The following PRSS3 variants were observed in gnomAD, a reference collection of about 807,000 sequenced individuals.
PRSS3 encodes the protein serine protease 3.
PRSS3 carries 14 observed loss-of-function variants against 20.8 expected under a neutral mutation model. The observed-to-expected ratio is 0.67, with a 90% CI of 0.44 to 1.05. The LOEUF (loss-of-function observed/expected upper bound fraction) is 1.05. Ranked by LOEUF, PRSS3 falls within the 50% of genes least tolerant of loss-of-function variation. The pLI is 0.00. For synonymous variants in PRSS3, 91 were observed against 117.6 expected (o/e 0.77, Z 1.46); for missense variants, 237 against 306.4 (o/e 0.77, Z 1.69).
intron 1 of PRSS3, among the ~76,000 whole-genome samples, chr9:33,785,412 C>A (rs2790733): frequency 1.3e-5 from 2 of 151,462 alleles, no homozygotes; most frequent in Non-Finnish European, 2.9e-5. Flanking sequence ...CTCCTGACCT[C>A]GTGATCCGCC....
Position 33,798,819 on chromosome 9 carries a change from A to C in PRSS3, c.591+197A>C, listed in dbSNP as rs920438210. 5 of 1,079,802 alleles carry C rather than the reference A, an allele frequency of 4.6e-6. No individual in the cohort carries two copies. In the African/African-American group the frequency reaches 6.4e-5, roughly 14 times the overall value. 66.9% of individuals were successfully genotyped at this position (1,079,802 alleles called of 1,614,324 possible). On this transcript the variant is annotated intron_variant, in intron 4 of 4. Coordinates refer to ENST00000379405, the MANE Select transcript of PRSS3 (RefSeq NM_002771.4). ...AACGAGGAAGGTGGCGGGGCTGAGG[A>C]GGCTCCCTGCAGTGCCCCCATTGGG...
intron 1 of PRSS3, among the ~76,000 whole-genome samples, chr9:33,780,256 G>A (rs544241277): frequency 2.7e-3 from 409 of 152,246 alleles, no homozygotes; most frequent in Non-Finnish European, 4.9e-3. Context: ...GAGATTGGGA[G>A]ACTATTTTCA....
At chr9:33,786,382 C>T in intron 1 of PRSS3, 2 of 643,658 alleles carry the variant, frequency 3.1e-6, no homozygotes, top group Non-Finnish European at 5.5e-6. Flanking sequence ...ATTAAAGGAC[C>T]ATAACAGAGT....
intron 1 of PRSS3, among the ~76,000 whole-genome samples, chr9:33,757,474 CTT>C (rs35876237): frequency 2.0e-3 from 285 of 145,316 alleles, no homozygotes; most frequent in Middle Eastern, 7.0e-3. Flanking sequence ...GCAGATTCAT[CTT>C]TTTTTTTTTT....
chr9:33,792,269 T>C (rs1051859225), upstream of PRSS3, among the ~76,000 whole-genome samples: 1 of 152,014 alleles, frequency 6.6e-6, no homozygotes, highest in Non-Finnish European at 1.5e-5. Context: ...TAAAGGATGC[T>C]GGAACCCAAG....
intron 1 of PRSS3, among the ~76,000 whole-genome samples, chr9:33,751,410 G>A (rs1242870897): frequency 1.3e-5 from 2 of 152,164 alleles, no homozygotes; most frequent in African/African-American, 2.4e-5. Context: ...AGAAATTTGC[G>A]GGGGTGGCCC....
intron 1 of PRSS3, among the ~76,000 whole-genome samples, chr9:33,765,690 T>A (rs563353693): frequency 6.6e-6 from 1 of 152,340 alleles, no homozygotes; most frequent in Admixed American, 6.5e-5. Context: ...CTTATGCTAC[T>A]CAGAATGGTG....
At position 33,798,467 on chromosome 9, in the gene PRSS3, C is replaced by G. The variant is rs188952871; in HGVS notation, c.455-19C>G. The G allele has an allele frequency of 6.2e-7, 1 of 1,613,940 alleles. No homozygotes were observed. The highest frequency in any genetic ancestry group is 1.3e-5 in the African/African-American group (1 of 75,046). ...CACCCACATTTCTACTTTCTTTGAT[C>G]TCTTCCTGATCCTCACAGCTGACTA... On this transcript the variant is annotated intron_variant, in intron 3 of 4. Coordinates refer to ENST00000379405, the MANE Select transcript of PRSS3 (RefSeq NM_002771.4).
At chr9:33,758,160 T>C (rs571568364) in intron 1 of PRSS3, among the ~76,000 whole-genome samples, 2 of 152,332 alleles carry the variant, frequency 1.3e-5, no homozygotes, top group Non-Finnish European at 2.9e-5. Context: ...TGATCTGTTC[T>C]AATGGTCATT....
At position 33,750,954 on chromosome 9, in the gene PRSS3, AGAAGCCCACCTGGGGCCCCCTCC is replaced by A; in HGVS notation, c.-53+229_-53+251del. The A allele has an allele frequency of 8.9e-7, 1 of 1,122,250 alleles. No homozygotes were observed. 69.5% of individuals were successfully genotyped at this position (1,122,250 alleles called of 1,614,324 possible). A position where few individuals can be genotyped will look rare whatever the true frequency, so the allele number is the denominator to read the frequency against. ...AGGGGATGGAGGGCCCTGGTGTCGC[AGAAGCCCACCTGGGGCCCCCTCC>A]GGGCTGCGGCACCGATGCGCACACT... On this transcript the variant is annotated intron_variant, in intron 1 of 5. Transcript: ENST00000342836. The surrounding 1 kb of genome is among the most constrained non-coding windows in gnomAD (Gnocchi z 4.8).
chr9:33,799,174 C>T lies in PRSS3; in HGVS notation c.738C>T (p.Asn246=), dbSNP rs1463532122. The change falls in exon 5 of 5, where the codon AAC becomes AAT. Residue 246 remains asparagine, a synonymous_variant. Transcript: ENST00000379405. ...GGATTAAGGACACCATCGCTGCCAA[C>T]AGCTAAAGCCCCCGGTCCCTCTGCA... ...VDWIKDTIAA[N]S is the part of the protein sequence containing the mutation. 13 of 1,614,018 alleles carry T rather than the reference C, an allele frequency of 8.1e-6. No homozygotes were observed. Among genetic ancestry groups the T allele is most frequent in the Middle Eastern group, 1.6e-4 (1 of 6,084 alleles).
At chr9:33,763,478 T>C (rs892067891) in intron 1 of PRSS3, among the ~76,000 whole-genome samples, 8 of 152,098 alleles carry the variant, frequency 5.3e-5, no homozygotes, top group African/African-American at 1.9e-4. Context: ...GGCAGGCGGA[T>C]CACGAGGTCA....
intron 1 of PRSS3, among the ~76,000 whole-genome samples, chr9:33,779,592 G>A (rs1411436175): frequency 6.6e-6 from 1 of 152,104 alleles, no homozygotes; most frequent in Non-Finnish European, 1.5e-5. Context: ...AAACTGGCTG[G>A]GCGCGGTGGC....
intron 1 of PRSS3, among the ~76,000 whole-genome samples, chr9:33,778,030 C>A (rs1370468227): frequency 1.9e-5 from 2 of 102,858 alleles, no homozygotes; most frequent in African/African-American, 3.8e-5. Flanking sequence ...ATTCTAGGAG[C>A]CAGTTTGGTC....
chr9:33,756,722 C>T (rs997697820), intron 1 of PRSS3, among the ~76,000 whole-genome samples: 1 of 152,160 alleles, frequency 6.6e-6, no homozygotes, highest in Non-Finnish European at 1.5e-5. Flanking sequence ...ATGGTTTTTA[C>T]AGTATCCTGT....
intron 1 of PRSS3, among the ~76,000 whole-genome samples, chr9:33,764,755 G>A (rs1472104108): frequency 1.3e-5 from 2 of 152,044 alleles, no homozygotes; most frequent in Non-Finnish European, 2.9e-5. Context: ...TCACAGAATG[G>A]GAGAAAATAT....
At chr9:33,759,301 C>T (rs577903462) in intron 1 of PRSS3, among the ~76,000 whole-genome samples, 56 of 152,110 alleles carry the variant, frequency 3.7e-4, no homozygotes, top group African/African-American at 1.3e-3. Flanking sequence ...CAGATATACA[C>T]GGAAGGTGGA....
chr9:33,770,435 G>A (rs891184331), intron 1 of PRSS3, among the ~76,000 whole-genome samples: 1 of 152,124 alleles, frequency 6.6e-6, no homozygotes, highest in Admixed American at 6.5e-5. Flanking sequence ...TAAGACTTCT[G>A]GCACTGTTGG....
intron 1 of PRSS3, among the ~76,000 whole-genome samples, chr9:33,775,504 T>C (rs1350867119): frequency 2.0e-5 from 3 of 152,174 alleles, no homozygotes; most frequent in African/African-American, 7.2e-5. Flanking sequence ...AGGCGGATTC[T>C]GGAAATGAGA....
Sources: allele counts gnomAD v4.1 joint callset (sites outside exome capture counted in the v4.1 genomes callset), GRCh38; gene constraint gnomAD v4.1.1; non-coding constraint Gnocchi (gnomAD v3.1); transcripts MANE v1.5; gene names NCBI Gene and HGNC (gene_info 2026-07-23, HGNC 2026-07-21).